The following PCSK2 variants were observed in gnomAD, a reference collection of about 807,000 sequenced individuals.
PCSK2 encodes the protein proprotein convertase subtilisin/kexin type 2, also known as neuroendocrine convertase 2.
A neutral mutation model predicts 69.7 loss-of-function variants in PCSK2; 14 were observed. That is an observed-to-expected ratio of 0.20 (90% CI 0.13 to 0.31). The LOEUF (loss-of-function observed/expected upper bound fraction) is 0.31, where lower values mean the gene tolerates loss of function less well. Among genes scored for constraint, PCSK2 ranks in the 10% least tolerant of loss-of-function variants. PCSK2 has a pLI of 1.00. For synonymous variants in PCSK2, 307 were observed against 320.7 expected, an observed-to-expected ratio of 0.96 and a Z score of 0.46; for missense variants, 544 against 842.5, an observed-to-expected ratio of 0.65 and a Z score of 4.39.
chr20:17,367,839 A>G (rs2030642071), intron 4 of PCSK2, among the ~76,000 whole-genome samples: 1 of 152,242 alleles, frequency 6.6e-6, no homozygotes, highest in South Asian at 2.1e-4. Context: ...ACAAGGGTTA[A>G]CAACATTTAA....
At chr20:17,346,798 A>G (rs1382442920) in intron 2 of PCSK2, among the ~76,000 whole-genome samples, 1 of 151,680 alleles carries the variant, frequency 6.6e-6, no homozygotes, top group Non-Finnish European at 1.5e-5. Context: ...ATCTCCTAAC[A>G]TTGCCCCACC....
intron 2 of PCSK2, among the ~76,000 whole-genome samples, chr20:17,347,874 A>AGG (rs1568612238): frequency 0.012 from 25 of 2,002 alleles, no homozygotes; most frequent in African/African-American, 0.036. Flanking sequence ...AGAGAGAAAA[A>AGG]AGAAAGAAAG....
intron 2 of PCSK2, among the ~76,000 whole-genome samples, chr20:17,284,881 A>C (rs1988458229): frequency 6.6e-6 from 1 of 152,174 alleles, no homozygotes. Flanking sequence ...GGAGATAAAG[A>C]AACTATATTC....
intron 5 of PCSK2, among the ~76,000 whole-genome samples, chr20:17,378,496 T>C (rs2030992781): frequency 6.6e-6 from 1 of 152,188 alleles, no homozygotes; most frequent in Non-Finnish European, 1.5e-5. Flanking sequence ...TTCCAACTCT[T>C]TTACTCATGA....
rs576209849 is a variant in PCSK2, at chr20:17,456,057, T to A, written c.1102-291T>A. Among the ~76,000 whole-genome samples, 24 of 152,228 alleles carry A rather than the reference T, an allele frequency of 1.6e-4. No individual in the cohort carries two copies. In the South Asian group the frequency reaches 4.8e-3, roughly 30 times the overall value. On this transcript the variant is annotated intron_variant, in intron 9 of 11. Coordinates refer to ENST00000262545, the MANE Select transcript of PCSK2 (RefSeq NM_002594.5). ...GAGTTTGAGACCAGCTTGGTCAACA[T>A]GGCGAAACCCTGTCTCTACTAAAAT... is the stretch of plus-strand genomic sequence containing the variant.
At chr20:17,414,519 G>C (rs1057178245) in intron 6 of PCSK2, among the ~76,000 whole-genome samples, 3 of 152,204 alleles carry the variant, frequency 2.0e-5, no homozygotes, top group African/African-American at 7.2e-5. Context: ...CCAATAACAG[G>C]CTCTGAAATT....
chr20:17,442,879 A>G (rs1437650695), intron 8 of PCSK2, among the ~76,000 whole-genome samples: 1 of 152,124 alleles, frequency 6.6e-6, no homozygotes, highest in East Asian at 1.9e-4. Context: ...TTACATACCT[A>G]TGTGTTCTCC....
At chr20:17,358,839 G>T (rs1256320458) in intron 3 of PCSK2, among the ~76,000 whole-genome samples, 1 of 152,196 alleles carries the variant, frequency 6.6e-6, no homozygotes, top group African/African-American at 2.4e-5. Context: ...TAAAAGAAAG[G>T]ATCCAATGAC....
chr20:17,449,107 C>G (rs1237799535), intron 8 of PCSK2, among the ~76,000 whole-genome samples: 5 of 152,128 alleles, frequency 3.3e-5, no homozygotes, highest in African/African-American at 1.2e-4. Context: ...AACTCTTGGC[C>G]TCAAGTGCTC....
intron 8 of PCSK2, among the ~76,000 whole-genome samples, chr20:17,438,921 T>C (rs1230928917): frequency 6.6e-6 from 1 of 152,198 alleles, no homozygotes; most frequent in Non-Finnish European, 1.5e-5. Context: ...GTATCTTACT[T>C]CACTTCCTTG....
At chr20:17,252,224 A>C (rs1017438811) in intron 1 of PCSK2, among the ~76,000 whole-genome samples, 1 of 152,200 alleles carries the variant, frequency 6.6e-6, no homozygotes, top group Non-Finnish European at 1.5e-5. Context: ...TTTAAAAAAA[A>C]GCTGTGGCTT....
At chr20:17,415,336 G>A (rs995352081) in intron 6 of PCSK2, among the ~76,000 whole-genome samples, 1 of 152,148 alleles carries the variant, frequency 6.6e-6, no homozygotes, top group Non-Finnish European at 1.5e-5. Flanking sequence ...CTTCAGCAAA[G>A]TCTCAGGATA....
chr20:17,284,650 T>C (rs954158158), intron 2 of PCSK2, among the ~76,000 whole-genome samples: 1 of 152,192 alleles, frequency 6.6e-6, no homozygotes, highest in Non-Finnish European at 1.5e-5. Flanking sequence ...GTAATTGTAC[T>C]AGGTTTGTTG....
intron 1 of PCSK2, among the ~76,000 whole-genome samples, chr20:17,249,741 C>T (rs557284331): frequency 6.6e-6 from 1 of 152,214 alleles, no homozygotes; most frequent in African/African-American, 2.4e-5. Context: ...ATAAGGCAGG[C>T]ACCAACAGTC....
chr20:17,302,072 G>A lies in PCSK2; in HGVS notation c.282+41728G>A, dbSNP rs188501856. Among the ~76,000 whole-genome samples, 382 of 152,130 alleles carry A rather than the reference G, an allele frequency of 2.5e-3. 3 individuals carry two copies. The highest frequency in any genetic ancestry group is 0.011 in the South Asian group (55 of 4,816). On this transcript the variant is annotated intron_variant, in intron 2 of 11. Transcript: ENST00000262545. ...ATGTAGGCAAGTAAAAAAATCACAC[G>A]TTTTGTCTAACATCTCTCCATAGGC...
chr20:17,388,740 G>A (rs531463266), intron 5 of PCSK2, among the ~76,000 whole-genome samples: 7 of 152,192 alleles, frequency 4.6e-5, no homozygotes, highest in Non-Finnish European at 7.4e-5. Flanking sequence ...CACAGAGAGC[G>A]CTGAATAGCA....
intron 2 of PCSK2, among the ~76,000 whole-genome samples, chr20:17,342,284 T>C (rs1363807284): frequency 6.6e-6 from 1 of 152,202 alleles, no homozygotes; most frequent in East Asian, 1.9e-4. Flanking sequence ...ATGCATTTAG[T>C]GTTAAGCAAT....
chr20:17,227,552 C>A, intron 1 of PCSK2, 70 bp downstream of exon 1: 1 of 1,251,772 alleles, frequency 8.0e-7, no homozygotes, highest in Non-Finnish European at 1.1e-6. Context: ...TGCGCAATCT[C>A]ATTGCAGATT....
At chr20:17,402,853 A>C (rs1361820752) in intron 5 of PCSK2, among the ~76,000 whole-genome samples, 1 of 152,000 alleles carries the variant, frequency 6.6e-6, no homozygotes, top group Non-Finnish European at 1.5e-5. Flanking sequence ...GCTACTCGGG[A>C]GGCTGAGGCG....
Sources: allele counts gnomAD v4.1 joint callset (sites outside exome capture counted in the v4.1 genomes callset), GRCh38; gene constraint gnomAD v4.1.1; transcripts MANE v1.5; gene names NCBI Gene and HGNC (gene_info 2026-07-23, HGNC 2026-07-21).